The following SSH1 variants were observed in gnomAD, a reference collection of about 807,000 sequenced individuals.
SSH1 encodes the protein slingshot protein phosphatase 1.
SSH1 carries 43 observed loss-of-function variants against 79.7 expected under a neutral mutation model. That is an observed-to-expected ratio of 0.54 (90% confidence interval 0.42 to 0.70). The LOEUF (loss-of-function observed/expected upper bound fraction) is 0.70, where lower values mean the gene tolerates loss of function less well. Among genes scored for constraint, SSH1 ranks in the 30% least tolerant of loss-of-function variants. SSH1 has a pLI of 0.00. For synonymous variants in SSH1, 599 were observed against 538.3 expected, an observed-to-expected ratio of 1.11 and a Z score of -1.56; for missense variants, 1,206 against 1,358.8, an observed-to-expected ratio of 0.89 and a Z score of 1.77.
rs1207083521 is a variant in SSH1 at position 108,809,649 on chromosome 12, G to A, written c.536+44C>T. 1.1e-5 allele frequency: 17 copies of A among 1,547,946 alleles called. No homozygotes were observed. The Admixed American group carries it at 2.7e-4, about 24-fold the overall frequency. ...TTTTTCTATTCATGCTGTCGGCTAAGAAAATATTTCTAGGGAGTTAAAAGT... is the reference window on the plus strand; with the variant it reads ...TTTTTCTATTCATGCTGTCGGCTAAAAAAATATTTCTAGGGAGTTAAAAGT... On this transcript the variant is annotated intron_variant, in intron 7 of 14. Transcript: ENST00000326495.
At chr12:108,813,242 C>T (rs1409561845) in intron 5 of SSH1, among the ~76,000 whole-genome samples, 2 of 152,148 alleles carry the variant, frequency 1.3e-5, no homozygotes, top group African/African-American at 4.8e-5. Flanking sequence ...AGAAAGCAGG[C>T]TCCAAGTTCC....
At chr12:108,791,284 A>C (rs1565968003) in intron 14 of SSH1, among the ~76,000 whole-genome samples, 1 of 151,942 alleles carries the variant, frequency 6.6e-6, no homozygotes, top group Non-Finnish European at 1.5e-5. Flanking sequence ...TAATTTTTAT[A>C]TTTTTAGTAG....
intron 3 of SSH1, among the ~76,000 whole-genome samples, chr12:108,819,229 C>A (rs1363016904): frequency 6.6e-6 from 1 of 152,200 alleles, no homozygotes; most frequent in African/African-American, 2.4e-5. Flanking sequence ...AAATTATGTA[C>A]TCTTTTTTCT....
Position 108,779,127 on chromosome 12 carries a change from G to A in SSH1, c.*8861C>T, listed in dbSNP as rs1250383704. ...AATTTGTCTTTTAGAGTCGGATGCT[G>A]GAGCATCCTCTCCTAGGCTGGGAGG... is the stretch of plus-strand genomic sequence containing the variant. On this transcript the variant is annotated 3_prime_UTR_variant, in exon 15 of 15. Coordinates refer to ENST00000326495, the MANE Select transcript of SSH1 (RefSeq NM_018984.4). 6.6e-6 allele frequency: 1 copy of A among 152,104 alleles called. No homozygotes were observed. The highest frequency in any genetic ancestry group is 1.5e-5 in the Non-Finnish European group (1 of 68,026). The allele number at this position is 152,104 out of a possible 1,614,324, so 9.4% of individuals were successfully genotyped here. A position where few individuals can be genotyped will look rare whatever the true frequency, so the allele number is the denominator to read the frequency against.
rs1565986381 is a variant in SSH1 at position 108,807,687 on chromosome 12, G to A, written c.677C>T (p.Ala226Val). ...CCGCGTAGACTCCAGGTCCTGCATG[G>A]CGTTCCACTCGTTGATGCAGCTCTG... ...SEQSCINEWN[A>V]MQDLESTRPD... Residue 226 changes from alanine (A) to valine (V), a missense_variant, in exon 8 of 15, where the codon GCC becomes GTC. Around this residue, in one of 5 missense-constraint regions of SSH1, gnomAD observed 116 missense variants for 109.0 expected, o/e 1.06. Coordinates refer to ENST00000326495, the MANE Select transcript of SSH1 (RefSeq NM_018984.4). This position sits in a 1 kb window ranked among gnomAD's most constrained non-coding sequence, Gnocchi z 5.2. The A allele has an allele frequency of 6.2e-7, 1 of 1,613,338 alleles. No individual in the cohort carries two copies.
intron 2 of SSH1, among the ~76,000 whole-genome samples, chr12:108,844,509 G>A (rs181119657): frequency 1.3e-3 from 191 of 152,266 alleles, no homozygotes; most frequent in Non-Finnish European, 2.0e-3. Flanking sequence ...CATCTGTAAC[G>A]CTGAATGGAA....
intron 13 of SSH1, among the ~76,000 whole-genome samples, chr12:108,794,280 G>A (rs2036645696): frequency 6.6e-6 from 1 of 152,212 alleles, no homozygotes. Flanking sequence ...TCCAACTTGA[G>A]AGCCTGGGGT....
chr12:108,841,608 G>A (rs1481583130), intron 2 of SSH1, among the ~76,000 whole-genome samples: 1 of 152,046 alleles, frequency 6.6e-6, no homozygotes, highest in Non-Finnish European at 1.5e-5. Context: ...AGGAGTTCGA[G>A]ACCAACCTGG....
At chr12:108,849,188 C>G (rs919322334) in intron 2 of SSH1, among the ~76,000 whole-genome samples, 1 of 152,326 alleles carries the variant, frequency 6.6e-6, no homozygotes, top group South Asian at 2.1e-4. Flanking sequence ...GCTGCCAAAG[C>G]TTTATTTCCC....
chr12:108,839,918 A>G (rs1331372143), intron 2 of SSH1, among the ~76,000 whole-genome samples: 1 of 152,166 alleles, frequency 6.6e-6, no homozygotes, highest in Non-Finnish European at 1.5e-5. Context: ...TGTACACAGA[A>G]CAAGACTCTC....
At chr12:108,849,091 A>G (rs966462986) in intron 2 of SSH1, among the ~76,000 whole-genome samples, 1 of 152,180 alleles carries the variant, frequency 6.6e-6, no homozygotes, top group African/African-American at 2.4e-5. Context: ...GTCTCGCTTC[A>G]AATACAGGAT....
chr12:108,790,774 G>C (rs920800897), intron 14 of SSH1, among the ~76,000 whole-genome samples: 2 of 152,190 alleles, frequency 1.3e-5, no homozygotes, highest in African/African-American at 4.8e-5. Context: ...CATCTGTCAG[G>C]ACCCCAAGTG....
chr12:108,820,451 G>A (rs539524849), intron 3 of SSH1, among the ~76,000 whole-genome samples: 11 of 152,242 alleles, frequency 7.2e-5, no homozygotes, highest in Admixed American at 3.3e-4. Flanking sequence ...CCATCTACCC[G>A]AGTCACAGAA....
At chr12:108,817,263 TG>T in intron 4 of SSH1, 104 bp from the exon 5 acceptor site, 1 of 1,528,502 alleles carries the variant, frequency 6.5e-7, no homozygotes, top group Non-Finnish European at 8.9e-7. Context: ...CCTTTCCCTC[TG>T]GGAGTTAAAA....
intron 1 of SSH1, 82 bp from the exon 2 acceptor site, chr12:108,852,760 G>A (rs1005926002): frequency 1.6e-5 from 25 of 1,608,282 alleles, no homozygotes; most frequent in Admixed American, 1.0e-4. Flanking sequence ...TTTCTACCCC[G>A]GTACTGGAAA....
chr12:108,821,322 AG>A (rs2038110354), intron 3 of SSH1, among the ~76,000 whole-genome samples: 2 of 151,988 alleles, frequency 1.3e-5, no homozygotes, highest in Non-Finnish European at 2.9e-5. Flanking sequence ...TGAGCCCAGG[AG>A]GTCGAGGCTG....
At chr12:108,805,736 A>G (rs151177151) in intron 9 of SSH1, among the ~76,000 whole-genome samples, 16 of 152,254 alleles carry the variant, frequency 1.1e-4, no homozygotes, top group Admixed American at 2.6e-4. Context: ...TAAAATGTCA[A>G]TTTTAACTTC....
intron 2 of SSH1, among the ~76,000 whole-genome samples, chr12:108,845,940 A>G (rs2038889898): frequency 2.0e-5 from 3 of 152,198 alleles, no homozygotes; most frequent in Non-Finnish European, 4.4e-5. Context: ...CAGGTGCAAA[A>G]GTAGGGGTGT....
intron 2 of SSH1, among the ~76,000 whole-genome samples, chr12:108,834,600 C>T (rs560044303): frequency 2.6e-5 from 4 of 152,246 alleles, no homozygotes; most frequent in South Asian, 4.2e-4. Context: ...TTTTGTTATC[C>T]TCGGCAAAGG....
Sources: allele counts gnomAD v4.1 joint callset (sites outside exome capture counted in the v4.1 genomes callset), GRCh38; gene constraint gnomAD v4.1.1; regional missense constraint gnomAD v4.1.1; non-coding constraint Gnocchi (gnomAD v3.1); transcripts MANE v1.5; gene names NCBI Gene and HGNC (gene_info 2026-07-23, HGNC 2026-07-21).